Variants in GPC5 observed in about 807,000 individuals in gnomAD.
GPC5 encodes glypican 5, also known as glypican-5.
Under a neutral mutation model 53.9 loss-of-function variants are expected in GPC5, and 47 were observed. That is an observed-to-expected ratio of 0.87 (90% CI 0.69 to 1.11). The LOEUF (loss-of-function observed/expected upper bound fraction) is 1.11, where lower values mean the gene tolerates loss of function less well. Among genes scored for constraint, GPC5 ranks in the 50% most tolerant of loss-of-function variants. GPC5 has a pLI of 0.00. For synonymous variants in GPC5, 286 were observed against 263.3 expected, an observed-to-expected ratio of 1.09 and a Z score of -0.84; for missense variants, 748 against 713.1, an observed-to-expected ratio of 1.05 and a Z score of -0.56.
chr13:92,135,870 C>T (rs1303058286), intron 6 of GPC5, among the ~76,000 whole-genome samples: 6 of 152,206 alleles, frequency 3.9e-5, no homozygotes, highest in Middle Eastern at 3.4e-3. Flanking sequence ...AAAGCGCGTT[C>T]GGCTTTTTAG....
At chr13:91,702,503 G>A (rs2036014402) in intron 3 of GPC5, among the ~76,000 whole-genome samples, 1 of 152,018 alleles carries the variant, frequency 6.6e-6, no homozygotes, top group Non-Finnish European at 1.5e-5. Context: ...CCAGTGGTCT[G>A]CATGTCTGTC....
chr13:92,841,999 A>G (rs1032015322), intron 7 of GPC5, among the ~76,000 whole-genome samples: 6 of 152,118 alleles, frequency 3.9e-5, no homozygotes, highest in Non-Finnish European at 7.3e-5. Context: ...CTTTCTCAAG[A>G]TTACTTCACA....
intron 7 of GPC5, among the ~76,000 whole-genome samples, chr13:92,561,884 A>T (rs993873041): frequency 1.3e-5 from 2 of 152,074 alleles, no homozygotes; most frequent in Non-Finnish European, 2.9e-5. Flanking sequence ...GAAAGGAACG[A>T]AGAATGCACC....
chr13:92,550,537 C>A (rs1453167795), intron 7 of GPC5, among the ~76,000 whole-genome samples: 1 of 151,216 alleles, frequency 6.6e-6, no homozygotes, highest in Non-Finnish European at 1.5e-5. Context: ...ATCCAGAGGC[C>A]AAAAGTAAAG....
At chr13:91,820,478 C>A (rs1046630129) in intron 5 of GPC5, among the ~76,000 whole-genome samples, 1 of 152,084 alleles carries the variant, frequency 6.6e-6, no homozygotes, top group Non-Finnish European at 1.5e-5. Context: ...AGCCTCCCCC[C>A]ACCACCATCC....
At chr13:92,673,770 G>T (rs1173490049) in intron 7 of GPC5, among the ~76,000 whole-genome samples, 1 of 152,060 alleles carries the variant, frequency 6.6e-6, no homozygotes, top group Non-Finnish European at 1.5e-5. Context: ...ACATACCACT[G>T]ACCCTTTGTT....
chr13:92,604,245 G>A (rs1884177724), intron 7 of GPC5, among the ~76,000 whole-genome samples: 1 of 152,074 alleles, frequency 6.6e-6, no homozygotes, highest in South Asian at 2.1e-4. Flanking sequence ...AAAAATAAAA[G>A]GATCTCTACA....
intron 7 of GPC5, among the ~76,000 whole-genome samples, chr13:92,513,639 G>T (rs1487840071): frequency 1.3e-5 from 2 of 151,038 alleles, no homozygotes; most frequent in Non-Finnish European, 2.9e-5. Context: ...TACAGGTTGA[G>T]TATCTCTTAT....
At chr13:92,300,863 C>G (rs1055622818) in intron 7 of GPC5, among the ~76,000 whole-genome samples, 3 of 152,166 alleles carry the variant, frequency 2.0e-5, no homozygotes, top group African/African-American at 7.2e-5. Context: ...ACTTTCGCTA[C>G]TGTCAGATAA....
At chr13:92,428,881 T>C (rs1345978526) in intron 7 of GPC5, among the ~76,000 whole-genome samples, 1 of 152,078 alleles carries the variant, frequency 6.6e-6, no homozygotes, top group Non-Finnish European at 1.5e-5. Context: ...AATCTCTGGC[T>C]TCAAGAAATC....
chr13:92,828,607 C>T lies in GPC5; in HGVS notation c.1562-37675C>T, dbSNP rs1027884022. On this transcript the variant is annotated intron_variant, in intron 7 of 7. Coordinates refer to ENST00000377067, the MANE Select transcript of GPC5 (RefSeq NM_004466.6). ...AGCTGAAGATCATTGAATGCCACCC[C>T]GGACCTCCTGGACCTCCATTTGTCT... Among the ~76,000 whole-genome samples the T allele has an allele frequency of 2.0e-5, 3 of 152,210 alleles. 1 individual carries two copies. Among genetic ancestry groups the T allele is most frequent in the Non-Finnish European group, 4.4e-5 (3 of 68,014 alleles).
intron 7 of GPC5, among the ~76,000 whole-genome samples, chr13:92,351,067 T>C (rs1405419985): frequency 6.6e-6 from 1 of 151,952 alleles, no homozygotes; most frequent in Non-Finnish European, 1.5e-5. Flanking sequence ...GCTGCACAAA[T>C]ATCCACAATG....
intron 7 of GPC5, among the ~76,000 whole-genome samples, chr13:92,230,067 T>C (rs1307880775): frequency 1.3e-5 from 2 of 152,106 alleles, no homozygotes; most frequent in South Asian, 2.1e-4. Context: ...TACATTTGTC[T>C]AAAAGAGAAA....
At chr13:91,823,548 C>G (rs1217114082) in intron 5 of GPC5, among the ~76,000 whole-genome samples, 1 of 152,040 alleles carries the variant, frequency 6.6e-6, no homozygotes, top group East Asian at 1.9e-4. Context: ...TGAAGCAGAG[C>G]TGCGAAAAGA....
At chr13:91,462,272 G>A (rs1159335803) in intron 2 of GPC5, among the ~76,000 whole-genome samples, 2 of 152,058 alleles carry the variant, frequency 1.3e-5, no homozygotes, top group African/African-American at 4.8e-5. Flanking sequence ...ACATTTGGGG[G>A]TGTTTGTAGT....
chr13:92,038,198 T>C (rs1189564177), intron 6 of GPC5, among the ~76,000 whole-genome samples: 1 of 151,996 alleles, frequency 6.6e-6, no homozygotes, highest in African/African-American at 2.4e-5. Context: ...AAATCTGGAA[T>C]GATGGCATTG....
At chr13:92,701,202 A>C (rs1295829938) in intron 7 of GPC5, among the ~76,000 whole-genome samples, 2 of 152,112 alleles carry the variant, frequency 1.3e-5, no homozygotes, top group African/African-American at 4.8e-5. Flanking sequence ...ATTATTTTTA[A>C]AATTTGGATT....
chr13:92,195,819 A>T (rs944235251), intron 7 of GPC5, among the ~76,000 whole-genome samples: 1 of 152,186 alleles, frequency 6.6e-6, no homozygotes, highest in Non-Finnish European at 1.5e-5. Flanking sequence ...TTTGTCATTA[A>T]CTTTATCCCG....
intron 7 of GPC5, among the ~76,000 whole-genome samples, chr13:92,334,261 T>C (rs2043307321): frequency 6.6e-6 from 1 of 152,176 alleles, no homozygotes; most frequent in Non-Finnish European, 1.5e-5. Context: ...ATGTCTTACA[T>C]GGCAGCAGGC....
Sources: allele counts gnomAD v4.1 joint callset (sites outside exome capture counted in the v4.1 genomes callset), GRCh38; gene constraint gnomAD v4.1.1; transcripts MANE v1.5; gene names NCBI Gene and HGNC (gene_info 2026-07-23, HGNC 2026-07-21).